The following CCDC83 variants were observed in gnomAD, a reference collection of about 807,000 sequenced individuals.
CCDC83 encodes coiled-coil domain containing 83, also known as coiled-coil domain-containing protein 83.
A neutral mutation model predicts 50.1 loss-of-function variants in CCDC83; 54 were observed. The observed-to-expected ratio is 1.08, with a 90% CI of 0.87 to 1.35. The LOEUF (loss-of-function observed/expected upper bound fraction) is 1.35. Ranked by LOEUF, CCDC83 falls within the 40% of genes most tolerant of loss-of-function variation. CCDC83 has a pLI of 0.00. For missense variants in CCDC83, 518 were observed against 473.9 expected, an observed-to-expected ratio of 1.09 and a Z score of -0.86; for synonymous variants, 161 against 153.3, an observed-to-expected ratio of 1.05 and a Z score of -0.37.
At chr11:85,902,375 C>A (rs1342040058) in intron 7 of CCDC83, among the ~76,000 whole-genome samples, 1 of 152,116 alleles carries the variant, frequency 6.6e-6, no homozygotes, top group African/African-American at 2.4e-5. Flanking sequence ...TTTACTTAAC[C>A]ATGTATGTCA....
chr11:85,880,648 T>C (rs1163377074), intron 3 of CCDC83, among the ~76,000 whole-genome samples: 1 of 152,014 alleles, frequency 6.6e-6, no homozygotes, highest in East Asian at 1.9e-4. Context: ...TTTTGTTAGA[T>C]ATTTTCACTG....
At chr11:85,888,432 T>C (rs762453004) in intron 5 of CCDC83, among the ~76,000 whole-genome samples, 98 of 152,374 alleles carry the variant, frequency 6.4e-4, no homozygotes, top group Non-Finnish European at 1.2e-3. Context: ...AAGAGCTATA[T>C]GAATTTCCTT....
At chr11:85,892,058 C>T (rs2093352820) in intron 5 of CCDC83, among the ~76,000 whole-genome samples, 1 of 152,180 alleles carries the variant, frequency 6.6e-6, no homozygotes, top group Non-Finnish European at 1.5e-5. Context: ...AGAGGGTCAA[C>T]ACAATGGAGC....
intron 8 of CCDC83, chr11:85,912,788 C>A: frequency 8.8e-7 from 1 of 1,135,386 alleles, no homozygotes; most frequent in South Asian, 1.2e-5. Flanking sequence ...GTCCACTGCC[C>A]TCTTTTCTGA....
chr11:85,915,390 C>A, intron 8 of CCDC83, 29 bp from the exon 9 acceptor site: 2 of 1,502,436 alleles, frequency 1.3e-6, no homozygotes, highest in Non-Finnish European at 1.8e-6. Flanking sequence ...TATTGACTGA[C>A]AGATTGTTTT....
At chr11:85,899,085 A>G (rs1000059529) in intron 7 of CCDC83, 70 bp downstream of exon 7, 22 of 1,171,724 alleles carry the variant, frequency 1.9e-5, no homozygotes, top group Non-Finnish European at 2.7e-5. Context: ...ACTTTTAATT[A>G]TGAACTGAAG....
intron 1 of CCDC83, among the ~76,000 whole-genome samples, chr11:85,862,661 T>C (rs2093184079): frequency 6.6e-6 from 1 of 152,194 alleles, no homozygotes; most frequent in Admixed American, 6.5e-5. Flanking sequence ...ATAATTGCTT[T>C]TACTTTGTGA....
chr11:85,858,062 G>C (rs538290518), intron 1 of CCDC83, among the ~76,000 whole-genome samples: 2 of 152,186 alleles, frequency 1.3e-5, no homozygotes, highest in African/African-American at 4.8e-5. Context: ...AGGTGGACTG[G>C]TATCAGCTGA....
At chr11:85,908,014 T>A (rs1016302370) in intron 7 of CCDC83, among the ~76,000 whole-genome samples, 1 of 152,210 alleles carries the variant, frequency 6.6e-6, no homozygotes, top group African/African-American at 2.4e-5. Context: ...GCATTCAAGC[T>A]TGTAATCAAA....
chr11:85,876,375 A>G (rs2093269235), intron 3 of CCDC83, among the ~76,000 whole-genome samples: 2 of 152,242 alleles, frequency 1.3e-5, no homozygotes, highest in African/African-American at 2.4e-5. Flanking sequence ...AGCTTAGTTA[A>G]TAACATTGTA....
Position 85,865,092 on chromosome 11 carries a change from A to T in CCDC83, c.-28-4A>T. On this transcript the variant is annotated splice_polypyrimidine_tract_variant and splice_region_variant and intron_variant, in intron 1 of 10. Coordinates refer to ENST00000342404, the MANE Select transcript of CCDC83 (RefSeq NM_001286159.2). ...TCACTTTCGTATGTCTCCTTTCTAA[A>T]CAGGTATATTTCTTCATAGCTAACC... 4 of 1,396,798 alleles carry T rather than the reference A, an allele frequency of 2.9e-6. No individual in the cohort carries two copies. Among genetic ancestry groups the T allele is most frequent in the Non-Finnish European group, 4.0e-6 (4 of 990,198 alleles). 86.5% of individuals were successfully genotyped at this position (1,396,798 alleles called of 1,614,324 possible). A position where few individuals can be genotyped will look rare whatever the true frequency, so the allele number is the denominator to read the frequency against.
At chr11:85,899,550 TTG>T (rs2093391198) in intron 7 of CCDC83, among the ~76,000 whole-genome samples, 2 of 152,362 alleles carry the variant, frequency 1.3e-5, no homozygotes, top group Admixed American at 6.5e-5. Context: ...GGCTTGGACT[TTG>T]ATTATCAATT....
At chr11:85,884,718 T>C (rs1024014288) in intron 4 of CCDC83, among the ~76,000 whole-genome samples, 3 of 152,034 alleles carry the variant, frequency 2.0e-5, no homozygotes, top group Admixed American at 6.6e-5. Flanking sequence ...TCTAAGAAAG[T>C]AGAAAAACAG....
chr11:85,865,167 G>T lies in CCDC83; in HGVS notation c.44G>T (p.Gly15Val). Residue 15 changes from glycine (G) to valine (V), a missense_variant, in exon 2 of 11, where the codon GGG becomes GTG. Coordinates refer to ENST00000342404, the MANE Select transcript of CCDC83 (RefSeq NM_001286159.2). ...GKANKKDTHDGPPKEIKLPTS... is the reference protein window; with the variant it reads ...GKANKKDTHDVPPKEIKLPTS... The stretch of plus-strand genomic sequence containing the variant: ...GCAAATAAAAAGGATACACATGACG[G>T]GCCACCAAAAGAAATTAAACTGCCT... The T allele has an allele frequency of 1.9e-6, 3 of 1,613,192 alleles. No homozygotes were observed. Among genetic ancestry groups the T allele is most frequent in the Non-Finnish European group, 2.5e-6 (3 of 1,179,296 alleles).
At position 85,915,390 on chromosome 11, in the gene CCDC83, C is replaced by CA. The variant is rs200909351; in HGVS notation, c.795-28dup. 6,055 of 1,502,404 alleles carry CA rather than the reference C, an allele frequency of 4.0e-3. 349 individuals are homozygous for CA. The Admixed American group carries it at 0.098, about 24-fold the overall frequency. The allele number at this position is 1,502,404 out of a possible 1,614,324, so 93.1% of individuals were successfully genotyped here. ...ATGCAATGCAATATTTATTGACTGA[C>CA]AGATTGTTTTTCTCATTTGTTCTTT... is the stretch of plus-strand genomic sequence containing the variant. On this transcript the variant is annotated intron_variant, in intron 8 of 10. Coordinates refer to ENST00000342404, the MANE Select transcript of CCDC83 (RefSeq NM_001286159.2).
chr11:85,890,891 T>A (rs915478416), intron 5 of CCDC83, among the ~76,000 whole-genome samples: 29 of 152,222 alleles, frequency 1.9e-4, no homozygotes, highest in African/African-American at 7.0e-4. Context: ...TCATAGGATT[T>A]ACCATATATT....
intron 6 of CCDC83, among the ~76,000 whole-genome samples, chr11:85,897,763 G>C (rs892693186): frequency 6.6e-6 from 1 of 152,184 alleles, no homozygotes; most frequent in African/African-American, 2.4e-5. Context: ...GTTGTAACTG[G>C]AGTATAAAAA....
chr11:85,892,405 A>C (rs754345647), intron 5 of CCDC83, among the ~76,000 whole-genome samples: 1 of 152,208 alleles, frequency 6.6e-6, no homozygotes, highest in South Asian at 2.1e-4. Flanking sequence ...AGAGGCTAAC[A>C]ATGAGATTCT....
rs1379682732 is a variant in CCDC83, at chr11:85,919,758, AG to A, written c.*250del. 2.6e-6 allele frequency: 1 copy of A among 385,768 alleles called. No homozygotes were observed. The highest frequency in any genetic ancestry group is 4.6e-6 in the Non-Finnish European group (1 of 217,424). 23.9% of individuals were successfully genotyped at this position (385,768 alleles called of 1,614,324 possible). A position where few individuals can be genotyped will look rare whatever the true frequency, so the allele number is the denominator to read the frequency against. On this transcript the variant is annotated 3_prime_UTR_variant, in exon 11 of 11. Coordinates refer to ENST00000342404, the MANE Select transcript of CCDC83 (RefSeq NM_001286159.2). ...ATTCAGAAGCATGACAGTGGGTTCAAGGTAGTCTCTGAGGTTCCTTTTCACA... is the reference window on the plus strand; with the variant it reads ...ATTCAGAAGCATGACAGTGGGTTCAAGTAGTCTCTGAGGTTCCTTTTCACA...
Sources: gnomAD v4.1 joint callset for allele counts (sites outside exome capture counted in the v4.1 genomes callset) on GRCh38, gnomAD v4.1.1 for gene constraint, MANE v1.5 for transcripts, NCBI Gene and HGNC (gene_info 2026-07-23, HGNC 2026-07-21) for gene names.